CHN2: variants seen among roughly 807,000 people sequenced by gnomAD.
CHN2 encodes chimerin 2, also known as beta-chimaerin.
A neutral mutation model predicts 56.3 loss-of-function variants in CHN2; 35 were observed. That is an observed-to-expected ratio of 0.62 (90% CI 0.47 to 0.82). The LOEUF (loss-of-function observed/expected upper bound fraction) is 0.82. CHN2 is among the 40% of genes least tolerant of loss of function. The pLI, the probability that CHN2 is intolerant of heterozygous loss-of-function variation, is 0.00. For synonymous variants in CHN2, 210 were observed against 212.8 expected (o/e 0.99, Z 0.12); for missense variants, 491 against 580.5 (o/e 0.85, Z 1.58).
intron 1 of CHN2, among the ~76,000 whole-genome samples, chr7:29,286,619 G>T (rs1792172805): frequency 6.6e-6 from 1 of 152,156 alleles, no homozygotes; most frequent in African/African-American, 2.4e-5. Context: ...AATAAGACTT[G>T]CTTTGTAAAG....
At chr7:29,275,728 T>G (rs560411646) in intron 1 of CHN2, among the ~76,000 whole-genome samples, 1 of 152,080 alleles carries the variant, frequency 6.6e-6, no homozygotes, top group African/African-American at 2.4e-5. Flanking sequence ...CCTCTCAGGG[T>G]CACTCAGGTT....
At chr7:29,254,502 G>C (rs1788911887) in intron 1 of CHN2, among the ~76,000 whole-genome samples, 1 of 152,210 alleles carries the variant, frequency 6.6e-6, no homozygotes, top group Non-Finnish European at 1.5e-5. Context: ...AAGGTAAGAA[G>C]TTGTTTTGAT....
In CHN2 at chr7:29,363,149, T is replaced by G. The variant is rs10277158; in HGVS notation, c.89-4783T>G. On this transcript the variant is annotated intron_variant, in intron 2 of 12. Coordinates refer to ENST00000222792, the MANE Select transcript of CHN2 (RefSeq NM_004067.4). ...TCTGCTAAAAAGCAGCTTAGTAGTA[T>G]TGGGCTGATTCAAGAGGAATAAAGG... Among the ~76,000 whole-genome samples the G allele has an allele frequency of 6.6e-3, 1,011 of 152,280 alleles. 14 individuals are homozygous for G. Among genetic ancestry groups the G allele is most frequent in the African/African-American group, 0.022 (928 of 41,562 alleles).
chr7:29,483,839 C>T (rs748804977), intron 7 of CHN2: 17 of 1,280,368 alleles, frequency 1.3e-5, no homozygotes, highest in Admixed American at 2.5e-5. Flanking sequence ...AGCTTTAGCC[C>T]GCATAGTACT....
chr7:29,345,374 A>G (rs1156715872), intron 1 of CHN2, among the ~76,000 whole-genome samples: 1 of 152,212 alleles, frequency 6.6e-6, no homozygotes, highest in Non-Finnish European at 1.5e-5. Context: ...AAGGCTCTAC[A>G]GAGAATTGAA....
chr7:29,210,719 G>A (rs11981737), intron 1 of CHN2, among the ~76,000 whole-genome samples: 37,869 of 151,924 alleles, frequency 0.25, 4,852 homozygotes, highest in East Asian at 0.37. Context: ...AATGCTGGGG[G>A]TAAGGGGGTC....
At chr7:29,387,227 TG>T (rs3838702) in intron 3 of CHN2, among the ~76,000 whole-genome samples, 143,463 of 152,266 alleles carry the variant, frequency 0.94, 67,705 homozygotes, top group African/African-American at 0.98. Flanking sequence ...GTCTCACATG[TG>T]GGTATCTCAT....
chr7:29,168,822 CTAAG>C (rs1435045287), intron 2 of CHN2, among the ~76,000 whole-genome samples: 2 of 152,320 alleles, frequency 1.3e-5, no homozygotes, highest in East Asian at 3.9e-4. Context: ...ACATGTACTA[CTAAG>C]TATGTATTAT....
At chr7:29,443,956 T>TA (rs1191461103) in intron 6 of CHN2, among the ~76,000 whole-genome samples, 1 of 152,236 alleles carries the variant, frequency 6.6e-6, no homozygotes, top group Non-Finnish European at 1.5e-5. Context: ...TGTCTACCAT[T>TA]ATATTATGGT....
rs1490007121 is a variant in CHN2, at chr7:29,233,991, G to A, written c.49+39001G>A. On this transcript the variant is annotated intron_variant, in intron 1 of 12. Coordinates refer to ENST00000222792, the MANE Select transcript of CHN2 (RefSeq NM_004067.4). ...TGGGACTACAGGCGCCCGCCACCAC[G>A]CCCGGCTAATTTTTTGTATTTTTAG... 2.7e-5 allele frequency among the ~76,000 whole-genome samples: 4 copies of A among 149,772 alleles called. No individual in the cohort carries two copies. In the South Asian group the frequency reaches 6.4e-4, roughly 24 times the overall value.
At chr7:29,467,963 C>T (rs1483621793) in intron 6 of CHN2, among the ~76,000 whole-genome samples, 2 of 152,014 alleles carry the variant, frequency 1.3e-5, no homozygotes, top group Non-Finnish European at 2.9e-5. Flanking sequence ...TGGTAGGGAG[C>T]ATGTGTGCTG....
intron 1 of CHN2, chr7:29,213,288 C>A: frequency 1.3e-6 from 1 of 799,732 alleles, no homozygotes; most frequent in Non-Finnish European, 2.2e-6. Flanking sequence ...CTCCTCCCCT[C>A]CCTGATAGGA....
chr7:29,392,920 G>C (rs1188444867), intron 3 of CHN2, among the ~76,000 whole-genome samples: 1 of 152,198 alleles, frequency 6.6e-6, no homozygotes, highest in Non-Finnish European at 1.5e-5. Flanking sequence ...GAGTGTCCCT[G>C]GAGTTAGGAG....
intron 6 of CHN2, among the ~76,000 whole-genome samples, chr7:29,478,687 C>A (rs1290719625): frequency 1.3e-5 from 2 of 152,140 alleles, no homozygotes; most frequent in Admixed American, 6.5e-5. Context: ...CTCTCTTCAT[C>A]CAAAAGAATC....
chr7:29,215,531 G>GGTGTTTCTTCTA (rs1785271518), intron 1 of CHN2, among the ~76,000 whole-genome samples: 1 of 152,126 alleles, frequency 6.6e-6, no homozygotes, highest in Non-Finnish European at 1.5e-5. Context: ...ACTCACCTAA[G>GGTGTTTCTTCTA]TCTGTTTCCT....
chr7:29,209,554 TAG>T (rs1784767072), intron 1 of CHN2, among the ~76,000 whole-genome samples: 1 of 152,196 alleles, frequency 6.6e-6, no homozygotes, highest in African/African-American at 2.4e-5. Flanking sequence ...TAAAACTGGA[TAG>T]AGTCTTTAGC....
intron 6 of CHN2, among the ~76,000 whole-genome samples, chr7:29,401,781 G>A (rs181094495): frequency 5.9e-5 from 9 of 152,312 alleles, no homozygotes; most frequent in Admixed American, 3.3e-4. Flanking sequence ...GGCGGCCAGG[G>A]AGATCTGATT....
At chr7:29,195,629 A>AGAGAGAGAGTGTGT (rs869037854) in intron 1 of CHN2, among the ~76,000 whole-genome samples, 122 of 117,502 alleles carry the variant, frequency 1.0e-3, no homozygotes, top group Admixed American at 2.3e-3. Context: ...AGAGAGAGAG[A>AGAGAGAGAGTGTGT]GTGTGTGTGT....
chr7:29,205,210 T>A (rs1354400785), intron 1 of CHN2, among the ~76,000 whole-genome samples: 1 of 152,220 alleles, frequency 6.6e-6, no homozygotes, highest in Non-Finnish European at 1.5e-5. Context: ...AGCCATTTTC[T>A]ACCTATAGAG....
Sources: gnomAD v4.1 joint callset for allele counts (sites outside exome capture counted in the v4.1 genomes callset) on GRCh38, gnomAD v4.1.1 for gene constraint, MANE v1.5 for transcripts, NCBI Gene and HGNC (gene_info 2026-07-23, HGNC 2026-07-21) for gene names.